The following DIS3L2 variants were observed in gnomAD, a reference collection of about 807,000 sequenced individuals.
The protein encoded by DIS3L2 is DIS3-like exonuclease 2.
In DIS3L2, 34 loss-of-function variants were observed where a neutral mutation model predicts 97.5. The ratio of observed to expected loss-of-function variants is 0.35; its 90% CI spans 0.27 to 0.46. The LOEUF (loss-of-function observed/expected upper bound fraction) is 0.46, where lower values mean the gene tolerates loss of function less well. Ranked by LOEUF, DIS3L2 falls within the 20% of genes least tolerant of loss-of-function variation. The probability of loss-of-function intolerance (pLI) is 1.00; values close to 1 mark genes in which losing one functional copy is unlikely to be tolerated. For missense variants in DIS3L2, 1,038 were observed against 1,146.0 expected, an observed-to-expected ratio of 0.91 and a Z score of 1.36; for synonymous variants, 435 against 445.2, an observed-to-expected ratio of 0.98 and a Z score of 0.29.
chr2:232,088,763 C>T (rs140142473), intron 6 of DIS3L2, among the ~76,000 whole-genome samples: 133 of 152,140 alleles, frequency 8.7e-4, no homozygotes, highest in African/African-American at 3.0e-3. Flanking sequence ...GACCACGGAC[C>T]CTACCTGACC....
chr2:232,193,042 C>T (rs530835837), intron 9 of DIS3L2, among the ~76,000 whole-genome samples: 11 of 152,350 alleles, frequency 7.2e-5, no homozygotes, highest in African/African-American at 2.6e-4. Flanking sequence ...ACAGCTACCA[C>T]GGTGCTCTCC....
chr2:232,077,304 A>C (rs1010433650), intron 5 of DIS3L2, among the ~76,000 whole-genome samples: 2 of 7,976 alleles, frequency 2.5e-4, no homozygotes, highest in Non-Finnish European at 4.5e-4. Flanking sequence ...TTACCTTCCA[A>C]AAAAAAAAAA....
chr2:232,181,607 G>A (rs978617166), intron 9 of DIS3L2, among the ~76,000 whole-genome samples: 15 of 151,478 alleles, frequency 9.9e-5, no homozygotes, highest in East Asian at 1.9e-4. Flanking sequence ...TGATCGCATC[G>A]GCCACCATGC....
intron 1 of DIS3L2, among the ~76,000 whole-genome samples, chr2:231,984,042 T>A (rs1174143790): frequency 6.6e-6 from 1 of 152,108 alleles, no homozygotes; most frequent in Non-Finnish European, 1.5e-5. Flanking sequence ...TAATACTTTT[T>A]GCGTATTGGA....
At chr2:232,192,958 C>G (rs961802015) in intron 9 of DIS3L2, among the ~76,000 whole-genome samples, 4 of 152,216 alleles carry the variant, frequency 2.6e-5, no homozygotes, top group Non-Finnish European at 2.9e-5. Flanking sequence ...CTACTTCACA[C>G]ACTGGCTTCC....
chr2:231,992,584 A>G (rs191517387), intron 1 of DIS3L2, among the ~76,000 whole-genome samples: 14 of 150,060 alleles, frequency 9.3e-5, no homozygotes, highest in African/African-American at 2.7e-4. Context: ...CCCCCAGCCC[A>G]TTCATTTCTC....
chr2:232,302,278 C>A (rs1156569926), intron 14 of DIS3L2, among the ~76,000 whole-genome samples: 5 of 151,212 alleles, frequency 3.3e-5, no homozygotes, highest in Non-Finnish European at 7.4e-5. Context: ...AGGAGATATA[C>A]CTAAAGTAAA....
Position 232,333,929 on chromosome 2 carries a change from C to T in DIS3L2, c.2100C>T (p.Thr700=). 1 of 1,612,922 alleles carries T rather than the reference C, an allele frequency of 6.2e-7. No individual in the cohort carries two copies. Residue 700 remains threonine, a synonymous_variant, in exon 17 of 21, where the codon ACC becomes ACT. Transcript: ENST00000325385. The part of the protein sequence containing the change: ...ALNVPLYTHF[T]SPIRRFADVL... ...ATGTGCCCCTGTACACACACTTCAC[C>T]TCGCCCATCCGCCGCTTTGCCGACG...
At chr2:232,015,773 T>A in intron 3 of DIS3L2, 102 bp downstream of exon 3, 5 of 1,385,146 alleles carry the variant, frequency 3.6e-6, no homozygotes, top group Non-Finnish European at 4.9e-6. Context: ...AGAGAGACGA[T>A]GATGTAACAG....
intron 10 of DIS3L2, among the ~76,000 whole-genome samples, chr2:232,212,591 CG>C (rs1174816188): frequency 6.6e-6 from 1 of 152,118 alleles, no homozygotes; most frequent in Non-Finnish European, 1.5e-5. Flanking sequence ...GGGACAAACT[CG>C]GGACAAATTT....
rs56884799 is a variant in DIS3L2, at chr2:232,072,783, G to GGTGTGTGTGTGT, written c.367-14679_367-14668dup. On this transcript the variant is annotated intron_variant, in intron 5 of 20. Transcript: ENST00000325385. ...AGATCAGCTGACAGTTGGGATGTGG[G>GGTGTGTGTGTGT]GTGTGTGTGTGTGTGTGTGTGTGTG... Among the ~76,000 whole-genome samples the GGTGTGTGTGTGT allele has an allele frequency of 7.7e-3, 1,071 of 139,876 alleles. 17 individuals are homozygous for GGTGTGTGTGTGT. The highest frequency in any genetic ancestry group is 0.027 in the African/African-American group (973 of 35,630). The allele number at this position is 139,876 out of a possible 152,430, so 91.8% of individuals were successfully genotyped here.
At chr2:232,156,135 A>G (rs950288963) in intron 8 of DIS3L2, among the ~76,000 whole-genome samples, 2 of 151,926 alleles carry the variant, frequency 1.3e-5, no homozygotes, top group Non-Finnish European at 2.9e-5. Flanking sequence ...TTTAAACTCT[A>G]CTTGCCCAGT....
At chr2:231,971,854 T>A (rs948074712) in intron 1 of DIS3L2, among the ~76,000 whole-genome samples, 10 of 150,706 alleles carry the variant, frequency 6.6e-5, no homozygotes. Flanking sequence ...GTGCTGGGAT[T>A]ACAGGTGTGA....
At chr2:232,339,700 G>A (rs987971805), downstream of DIS3L2, 1 of 456,402 alleles carries the variant, frequency 2.2e-6, no homozygotes, top group South Asian at 1.5e-5. Context: ...AGCATGCAGG[G>A]CCGGGGTGGG....
chr2:232,038,897 A>C (rs1275626324), intron 5 of DIS3L2, among the ~76,000 whole-genome samples: 1 of 152,204 alleles, frequency 6.6e-6, no homozygotes, highest in Non-Finnish European at 1.5e-5. Flanking sequence ...TAGAGGCCTA[A>C]TTTTATGAAT....
intron 9 of DIS3L2, among the ~76,000 whole-genome samples, chr2:232,176,114 C>T (rs1310251463): frequency 6.6e-6 from 1 of 152,202 alleles, no homozygotes; most frequent in African/African-American, 2.4e-5. Context: ...TAGTCTTGAA[C>T]TCCTGACCTC....
At chr2:232,233,695 C>G (rs1026922451) in intron 10 of DIS3L2, among the ~76,000 whole-genome samples, 4 of 152,166 alleles carry the variant, frequency 2.6e-5, no homozygotes, top group African/African-American at 7.2e-5. Context: ...AAGGGAAGGC[C>G]CCACCTATAG....
chr2:232,329,785 T>TGCCGGGGGGGCGCC, intron 14 of DIS3L2, 28 bp from the exon 15 acceptor site: 10 of 967,142 alleles, frequency 1.0e-5, no homozygotes, highest in Non-Finnish European at 1.5e-5. Context: ...ACCCCAGCGG[T>TGCCGGGGGGGCGCC]CCCTCCCATC....
chr2:231,972,877 C>A (rs1692962626), intron 1 of DIS3L2, among the ~76,000 whole-genome samples: 1 of 152,172 alleles, frequency 6.6e-6, no homozygotes, highest in South Asian at 2.1e-4. Context: ...GGATAAACCC[C>A]ACTTGATTCT....
Sources: allele counts gnomAD v4.1 joint callset (sites outside exome capture counted in the v4.1 genomes callset), GRCh38; gene constraint gnomAD v4.1.1; transcripts MANE v1.5; gene names NCBI Gene and HGNC (gene_info 2026-07-23, HGNC 2026-07-21).